Variants in POGLUT1 observed in about 807,000 individuals in gnomAD.
The protein encoded by POGLUT1 is 9630046K23Rik.
POGLUT1 carries 32 observed loss-of-function variants against 61.3 expected under a neutral mutation model. The observed-to-expected ratio is 0.52, with a 90% CI of 0.39 to 0.70. The LOEUF (loss-of-function observed/expected upper bound fraction) is 0.70, where lower values mean the gene tolerates loss of function less well. POGLUT1 is among the 30% of genes least tolerant of loss of function. POGLUT1 has a pLI of 0.00. For missense variants in POGLUT1, 411 were observed against 469.8 expected (o/e 0.87, Z 1.16); for synonymous variants, 158 against 158.2 (o/e 1.00, Z 0.01).
In POGLUT1 at chr3:119,477,493, TAG is replaced by T. The variant is rs1457833780; in HGVS notation, c.456+46_456+47del. On this transcript the variant is annotated intron_variant, in intron 4 of 10. Transcript: ENST00000295588. ...CATGGGTGGATGGAGAGTGGTCCTC[TAG>T]GATATGAGCATGAGATCTTTGTCCG... 1.9e-6 allele frequency: 3 copies of T among 1,576,134 alleles called. No individual in the cohort carries two copies. In the South Asian group the frequency reaches 3.3e-5, roughly 18 times the overall value.
chr3:119,492,191 A>G (rs893849447), intron 10 of POGLUT1, 91 bp from the exon 11 acceptor site: 1 of 896,764 alleles, frequency 1.1e-6, no homozygotes, highest in Admixed American at 2.6e-5. Flanking sequence ...AATGCTGAAT[A>G]ATGCTTGGCA....
intron 5 of POGLUT1, 133 bp from the exon 6 acceptor site, chr3:119,485,195 C>A: frequency 3.7e-6 from 2 of 543,116 alleles, no homozygotes; most frequent in Non-Finnish European, 3.2e-6. Context: ...CCAGCCTGGA[C>A]GACAGTGCGA....
At position 119,477,444 on chromosome 3, in the gene POGLUT1, G is replaced by A; in HGVS notation, c.452G>A (p.Ser151Asn). Residue 151 changes from serine (S) to asparagine (N), a missense_variant, in exon 4 of 11, where the codon AGT becomes AAT. Ser to Asn is a conservative substitution (Grantham distance 46). Transcript: ENST00000295588. Reference protein sequence around the residue: ...MEPAIPVFSFSKTSEYHDIMY... With the variant: ...MEPAIPVFSFNKTSEYHDIMY... ...CCTGCCATCCCAGTCTTCTCCTTCA[G>A]TAAGGTAAGTACAGGGAGAGCCACA... 2 of 1,614,044 alleles carry A rather than the reference G, an allele frequency of 1.2e-6. No homozygotes were observed. Among genetic ancestry groups the A allele is most frequent in the Non-Finnish European group, 1.7e-6 (2 of 1,179,934 alleles).
At chr3:119,480,291 C>G in intron 5 of POGLUT1, 119 bp downstream of exon 5, 1 of 753,918 alleles carries the variant, frequency 1.3e-6, no homozygotes, top group Non-Finnish European at 2.0e-6. Flanking sequence ...CCTTTTTGCC[C>G]AGGCTAGAGT....
intron 7 of POGLUT1, chr3:119,488,233 G>A (rs2081694761): frequency 6.6e-6 from 1 of 152,134 alleles, no homozygotes; most frequent in South Asian, 2.1e-4. Flanking sequence ...ACTGTGGGAG[G>A]CTGCAGAAGC....
At position 119,492,438 on chromosome 3, in the gene POGLUT1, G is replaced by A. The variant is rs142667293; in HGVS notation, c.1179G>A (p.Ter393=). 1.3e-4 allele frequency: 214 copies of A among 1,588,532 alleles called. 2 individuals carry two copies. In the East Asian group the frequency reaches 2.5e-3, roughly 19 times the overall value. The part of the protein sequence containing the change: ...IIPKMLKTEL[*] ...CCAAAATGTTGAAAACTGAACTATA[G>A]TAGTCATCATAGGACCATAGTCCTC... The change falls in exon 11 of 11, where the codon TAG becomes TAA. Residue 393 remains the stop codon, a stop_retained_variant. Coordinates refer to ENST00000295588, the MANE Select transcript of POGLUT1 (RefSeq NM_152305.3).
At chr3:119,478,458 C>G (rs1329573240) in intron 4 of POGLUT1, 1 of 456,356 alleles carries the variant, frequency 2.2e-6, no homozygotes, top group East Asian at 6.9e-5. Context: ...CTCAGAAGAA[C>G]AGATAGAGGC....
chr3:119,483,886 T>C (rs1435012222), intron 5 of POGLUT1, among the ~76,000 whole-genome samples: 2 of 152,246 alleles, frequency 1.3e-5, no homozygotes, highest in Non-Finnish European at 2.9e-5. Context: ...TGAAAGCTAC[T>C]AATATGAATA....
chr3:119,473,441 G>A (rs1334662926), intron 3 of POGLUT1, among the ~76,000 whole-genome samples: 1 of 152,088 alleles, frequency 6.6e-6, no homozygotes, highest in Non-Finnish European at 1.5e-5. Context: ...TGTTCTGAAG[G>A]GAGTACAGGA....
At chr3:119,481,023 A>T (rs1351407321) in intron 5 of POGLUT1, among the ~76,000 whole-genome samples, 1 of 152,128 alleles carries the variant, frequency 6.6e-6, no homozygotes. Flanking sequence ...TACAGGCACG[A>T]GCCCCTGTGC....
chr3:119,480,013 A>G (rs1264565581), intron 4 of POGLUT1, 38 bp from the exon 5 acceptor site: 2 of 1,611,058 alleles, frequency 1.2e-6, no homozygotes, highest in East Asian at 4.5e-5. Flanking sequence ...TCACTGTTCC[A>G]AGACTGATTT....
In POGLUT1 at chr3:119,490,542, T is replaced by A. The variant is rs767091609; in HGVS notation, c.798-9T>A. ...TAGTATCAAATGTATTTTGTTCTTTTTTCCCCAGGTATCTGTTTAATTTTC... is the reference window on the plus strand; with the variant it reads ...TAGTATCAAATGTATTTTGTTCTTTATTCCCCAGGTATCTGTTTAATTTTC... On this transcript the variant is annotated splice_polypyrimidine_tract_variant and intron_variant, in intron 8 of 10. Transcript: ENST00000295588. 2 of 1,613,042 alleles carry A rather than the reference T, an allele frequency of 1.2e-6. No individual in the cohort carries two copies. Among genetic ancestry groups the A allele is most frequent in the Admixed American group, 3.3e-5 (2 of 59,972 alleles).
At chr3:119,476,382 CT>C (rs1238250638) in intron 3 of POGLUT1, among the ~76,000 whole-genome samples, 2 of 151,292 alleles carry the variant, frequency 1.3e-5, no homozygotes, top group Non-Finnish European at 2.9e-5. Context: ...AGTTGAGCAT[CT>C]TTTCCTATGT....
At chr3:119,483,002 TAC>T (rs1398780363) in intron 5 of POGLUT1, among the ~76,000 whole-genome samples, 2 of 152,176 alleles carry the variant, frequency 1.3e-5, no homozygotes, top group African/African-American at 2.4e-5. Context: ...AGAACAGTGA[TAC>T]ACAGTTTGGG....
intron 3 of POGLUT1, among the ~76,000 whole-genome samples, chr3:119,472,695 A>AAC (rs1361246103): frequency 6.6e-6 from 1 of 150,904 alleles, no homozygotes; most frequent in Non-Finnish European, 1.5e-5. Context: ...CAGGCTGGGA[A>AAC]ACAAGAGCGA....
chr3:119,485,272 C>A, intron 5 of POGLUT1, 56 bp from the exon 6 acceptor site: 2 of 1,063,288 alleles, frequency 1.9e-6, no homozygotes, highest in Non-Finnish European at 2.8e-6. Context: ...GGTTAAAGCA[C>A]ATTCTTATAT....
In POGLUT1 at chr3:119,468,989, C is replaced by G. The variant is rs371033655; in HGVS notation, c.-33C>G. On this transcript the variant is annotated 5_prime_UTR_variant, in exon 1 of 11. Coordinates refer to ENST00000295588, the MANE Select transcript of POGLUT1 (RefSeq NM_152305.3). ...TGCGGGGCCGCGCTTCCGCCAGCGC[C>G]GCAGCGGGGAATCTGCAGTAGGTCT... is the stretch of plus-strand genomic sequence containing the variant. 6.8e-5 allele frequency: 107 copies of G among 1,577,372 alleles called. No individual in the cohort carries two copies. The highest frequency in any genetic ancestry group is 8.8e-5 in the Non-Finnish European group (102 of 1,159,000).
In POGLUT1 at chr3:119,469,026, A is replaced by G. The variant is rs1370998540; in HGVS notation, c.5A>G (p.Glu2Gly). M[E>G]WWASSPLRLW... Reference sequence around the variant, plus strand: ...TCTGCAGTAGGTCTGCCGGCGATGGAGTGGTGGGCTAGCTCGCCGCTTCGG... The same window carrying G: ...TCTGCAGTAGGTCTGCCGGCGATGGGGTGGTGGGCTAGCTCGCCGCTTCGG... Residue 2 changes from glutamate (E) to glycine (G), a missense_variant, in exon 1 of 11, where the codon GAG (glutamate) becomes GGG (glycine). Coordinates refer to ENST00000295588, the MANE Select transcript of POGLUT1 (RefSeq NM_152305.3). The G allele has an allele frequency of 6.2e-7, 1 of 1,607,948 alleles. No individual in the cohort carries two copies. The highest frequency in any genetic ancestry group is 8.5e-7 in the Non-Finnish European group (1 of 1,178,436).
intron 5 of POGLUT1, among the ~76,000 whole-genome samples, chr3:119,484,843 C>T (rs1025086382): frequency 6.6e-6 from 1 of 152,160 alleles, no homozygotes; most frequent in African/African-American, 2.4e-5. Flanking sequence ...ACCTCCAGAG[C>T]AATGAAATGG....
Sources: allele counts gnomAD v4.1 joint callset (sites outside exome capture counted in the v4.1 genomes callset), GRCh38; gene constraint gnomAD v4.1.1; transcripts MANE v1.5; gene names NCBI Gene and HGNC (gene_info 2026-07-23, HGNC 2026-07-21).